The following RBFOX1 variants were observed in gnomAD, a reference collection of about 807,000 sequenced individuals.
RBFOX1 encodes the protein RNA binding fox-1 homolog 1.
RBFOX1 carries 8 observed loss-of-function variants against 57.7 expected under a neutral mutation model. That is an observed-to-expected ratio of 0.14 (90% CI 0.08 to 0.25). RBFOX1 has a LOEUF of 0.25. Among genes scored for constraint, RBFOX1 ranks in the 10% least tolerant of loss-of-function variants. The probability of loss-of-function intolerance (pLI) is 1.00; values close to 1 mark genes in which losing one functional copy is unlikely to be tolerated. For synonymous variants in RBFOX1, 326 were observed against 222.4 expected, an observed-to-expected ratio of 1.47 and a Z score of -4.15; for missense variants, 611 against 548.5, an observed-to-expected ratio of 1.11 and a Z score of -1.14.
chr16:6,750,240 A>G (rs2074658809), intron 3 of RBFOX1, among the ~76,000 whole-genome samples: 1 of 152,202 alleles, frequency 6.6e-6, no homozygotes, highest in Admixed American at 6.5e-5. Flanking sequence ...CATTTGTTAA[A>G]GGTAAATTCA....
chr16:5,356,591 T>C (rs1411427147), intron 1 of RBFOX1, among the ~76,000 whole-genome samples: 1 of 152,184 alleles, frequency 6.6e-6, no homozygotes, highest in Non-Finnish European at 1.5e-5. Context: ...GCTTCTGGAA[T>C]GGTGTCAGGC....
intron 3 of RBFOX1, among the ~76,000 whole-genome samples, chr16:5,708,692 G>T (rs1297348794): frequency 1.3e-5 from 2 of 152,094 alleles, no homozygotes; most frequent in Non-Finnish European, 2.9e-5. Flanking sequence ...ACCTACCATT[G>T]GTTGTTCCAG....
chr16:6,547,354 T>G (rs2096910827), intron 2 of RBFOX1, among the ~76,000 whole-genome samples: 1 of 152,172 alleles, frequency 6.6e-6, no homozygotes. Context: ...ACAAATGATT[T>G]TTGCTCTCCT....
chr16:6,706,093 C>T (rs747827353), intron 3 of RBFOX1, among the ~76,000 whole-genome samples: 4 of 152,262 alleles, frequency 2.6e-5, no homozygotes, highest in South Asian at 2.1e-4. Context: ...TATTAAAACC[C>T]GGATGCTTAG....
At chr16:5,770,850 T>A (rs1280845814) in intron 3 of RBFOX1, among the ~76,000 whole-genome samples, 2 of 152,244 alleles carry the variant, frequency 1.3e-5, no homozygotes, top group Non-Finnish European at 1.5e-5. Context: ...CATCACTAGT[T>A]GATCACGGCA....
At chr16:5,658,968 A>G (rs1335657341) in intron 3 of RBFOX1, among the ~76,000 whole-genome samples, 6 of 151,816 alleles carry the variant, frequency 4.0e-5, no homozygotes, top group Non-Finnish European at 8.8e-5. Flanking sequence ...GCAAATTGCG[A>G]TGCTATAAAC....
At chr16:5,720,706 C>T (rs2079733) in intron 3 of RBFOX1, among the ~76,000 whole-genome samples, 30,004 of 152,028 alleles carry the variant, frequency 0.2, 4,662 homozygotes, top group African/African-American at 0.42. Context: ...CCTTGAATGC[C>T]CTTTATGCCC....
intron 4 of RBFOX1, among the ~76,000 whole-genome samples, chr16:7,508,604 T>A (rs559782956): frequency 6.6e-6 from 1 of 152,252 alleles, no homozygotes; most frequent in East Asian, 1.9e-4. Flanking sequence ...ATCCCCAAGG[T>A]ATGATTGGAA....
chr16:6,525,731 G>T (rs7202241), intron 2 of RBFOX1, among the ~76,000 whole-genome samples: 106,010 of 151,676 alleles, frequency 0.7, 37,551 homozygotes, highest in African/African-American at 0.81. Flanking sequence ...GTGGAAAGGA[G>T]GGAAGGGCTG....
chr16:5,590,569 G>A lies in RBFOX1; in HGVS notation c.259-8333G>A, dbSNP rs75378925. Among the ~76,000 whole-genome samples, 429 of 152,226 alleles carry A rather than the reference G, an allele frequency of 2.8e-3. 1 individual carries two copies. The highest frequency in any genetic ancestry group is 1.0e-2 in the African/African-American group (415 of 41,538). ...TCTTGGCTGCCGTACTGTGATTCGGGGCGTGATGGAGGAATGGGGTGGTGG... is the reference window on the plus strand; with the variant it reads ...TCTTGGCTGCCGTACTGTGATTCGGAGCGTGATGGAGGAATGGGGTGGTGG... On this transcript the variant is annotated intron_variant, in intron 2 of 2. Transcript: ENST00000585867.
intron 5 of RBFOX1, among the ~76,000 whole-genome samples, chr16:7,557,705 T>A (rs1167004078): frequency 1.3e-5 from 2 of 148,954 alleles, no homozygotes; most frequent in Admixed American, 6.7e-5. Context: ...TATATTAGAA[T>A]TACCTGATGC....
At chr16:5,292,295 A>G (rs2063554137) in intron 1 of RBFOX1, among the ~76,000 whole-genome samples, 1 of 152,214 alleles carries the variant, frequency 6.6e-6, no homozygotes, top group Admixed American at 6.5e-5. Context: ...CACATTTGGC[A>G]TTTCCAGCCA....
intron 4 of RBFOX1, among the ~76,000 whole-genome samples, chr16:7,251,804 A>C (rs1280865936): frequency 6.6e-6 from 1 of 152,188 alleles, no homozygotes; most frequent in African/African-American, 2.4e-5. Flanking sequence ...CTGGGAGTGC[A>C]GATATCCCTT....
Position 6,735,315 on chromosome 16 carries a change from A to G in RBFOX1, c.-16+80665A>G, listed in dbSNP as rs141229871. Among the ~76,000 whole-genome samples, 6 of 152,352 alleles carry G rather than the reference A, an allele frequency of 3.9e-5. No homozygotes were observed. The East Asian group carries it at 9.6e-4, about 24-fold the overall frequency. On this transcript the variant is annotated intron_variant, in intron 3 of 15. Coordinates refer to ENST00000550418, the MANE Select transcript of RBFOX1 (RefSeq NM_018723.4). The stretch of plus-strand genomic sequence containing the variant: ...TCACCAGTGGGTTCATGTTGGTGGA[A>G]TTACTTAAACTCTAAACCTGGTTAC...
At chr16:7,467,707 G>A (rs181777338) in intron 4 of RBFOX1, among the ~76,000 whole-genome samples, 1 of 152,208 alleles carries the variant, frequency 6.6e-6, no homozygotes, top group Non-Finnish European at 1.5e-5. Flanking sequence ...TATAAACTCG[G>A]ATCTGTCTAC....
At chr16:7,050,648 C>G (rs79237231) in intron 3 of RBFOX1, among the ~76,000 whole-genome samples, 2,790 of 152,154 alleles carry the variant, frequency 0.018, 83 homozygotes, top group African/African-American at 0.063. Context: ...TCTGTGGTTT[C>G]TTTTCTTAAC....
At chr16:7,458,135 C>T (rs982690253) in intron 4 of RBFOX1, among the ~76,000 whole-genome samples, 5 of 152,166 alleles carry the variant, frequency 3.3e-5, no homozygotes, top group African/African-American at 4.8e-5. Flanking sequence ...TGCCAACTCA[C>T]TGGACATTTT....
intron 1 of RBFOX1, among the ~76,000 whole-genome samples, chr16:5,412,349 A>G (rs1038369324): frequency 6.6e-6 from 1 of 152,228 alleles, no homozygotes. Flanking sequence ...CACAAAGTAA[A>G]TACTCAACAA....
chr16:5,999,959 G>T (rs910549099), intron 4 of RBFOX1, among the ~76,000 whole-genome samples: 2 of 150,114 alleles, frequency 1.3e-5, no homozygotes, highest in African/African-American at 4.9e-5. Context: ...ATATAAGGTG[G>T]TATGTTACTG....
Sources: allele counts gnomAD v4.1 joint callset (sites outside exome capture counted in the v4.1 genomes callset), GRCh38; gene constraint gnomAD v4.1.1; transcripts MANE v1.5; gene names NCBI Gene and HGNC (gene_info 2026-07-23, HGNC 2026-07-21).